Variants in GNB1L observed in about 807,000 individuals in gnomAD.
The protein encoded by GNB1L is G protein subunit beta 1 like.
Under a neutral mutation model 29.1 loss-of-function variants are expected in GNB1L, and 20 were observed. That is an observed-to-expected ratio of 0.69 (90% CI 0.48 to 1.00). The LOEUF (loss-of-function observed/expected upper bound fraction) is 1.00. GNB1L is among the 50% of genes least tolerant of loss of function. The pLI is 0.00. For synonymous variants in GNB1L, 193 were observed against 206.5 expected (o/e 0.93, Z 0.56); for missense variants, 421 against 464.9 (o/e 0.91, Z 0.87).
At chr22:19,807,148 A>T (rs1038074912) in intron 5 of GNB1L, among the ~76,000 whole-genome samples, 1 of 152,154 alleles carries the variant, frequency 6.6e-6, no homozygotes, top group African/African-American at 2.4e-5. Flanking sequence ...TTTGCCACCC[A>T]CTTGAGAAAT....
At chr22:19,806,161 A>G (rs1184161827) in intron 6 of GNB1L, among the ~76,000 whole-genome samples, 1 of 152,258 alleles carries the variant, frequency 6.6e-6, no homozygotes, top group East Asian at 1.9e-4. Context: ...TTCATGGATC[A>G]GAAATTCCAA....
intron 7 of GNB1L, among the ~76,000 whole-genome samples, chr22:19,794,957 G>A (rs1489436994): frequency 6.6e-6 from 1 of 152,172 alleles, no homozygotes; most frequent in African/African-American, 2.4e-5. Flanking sequence ...CTCCAGCCTG[G>A]TGACAGAGTG....
chr22:19,818,976 C>T (rs986396334), intron 4 of GNB1L, among the ~76,000 whole-genome samples: 4 of 152,200 alleles, frequency 2.6e-5, no homozygotes, highest in African/African-American at 4.8e-5. Flanking sequence ...AAGCCCCTCA[C>T]GCACCTGCCC....
chr22:19,789,540 C>T (rs1053348797), intron 7 of GNB1L, among the ~76,000 whole-genome samples: 4 of 151,770 alleles, frequency 2.6e-5, no homozygotes, highest in East Asian at 1.9e-4. Context: ...GCCCTGGAGG[C>T]GGCAGGAGCC....
intron 2 of GNB1L, among the ~76,000 whole-genome samples, chr22:19,841,552 G>A (rs1023253186): frequency 3.9e-5 from 6 of 152,134 alleles, no homozygotes; most frequent in African/African-American, 1.4e-4. Flanking sequence ...CAGGAGGAGA[G>A]GATCACTTGA....
chr22:19,848,445 C>G, intron 2 of GNB1L: 2 of 985,484 alleles, frequency 2.0e-6, no homozygotes, highest in Non-Finnish European at 2.4e-6. Flanking sequence ...TGTCTGAAAG[C>G]AGGTGCTGCA....
Position 19,788,640 on chromosome 22 carries a change from G to A in GNB1L, c.*69C>T, listed in dbSNP as rs1185892463. 3 of 1,599,944 alleles carry A rather than the reference G, an allele frequency of 1.9e-6. No homozygotes were observed. The highest frequency in any genetic ancestry group is 2.2e-5 in the East Asian group (1 of 44,808). ...TCCTCAGAGGCCCTTGAGGTTTCAG[G>A]CCAAGGCTGGGGCCTGATGCCCACC... is the stretch of plus-strand genomic sequence containing the variant. On this transcript the variant is annotated 3_prime_UTR_variant, in exon 8 of 8. Coordinates refer to ENST00000329517, the MANE Select transcript of GNB1L (RefSeq NM_053004.3).
intron 2 of GNB1L, among the ~76,000 whole-genome samples, chr22:19,825,822 G>T (rs971018019): frequency 1.3e-5 from 2 of 151,852 alleles, no homozygotes; most frequent in Admixed American, 6.6e-5. Flanking sequence ...GCTGGGCATG[G>T]TGGTGGGTGC....
intron 2 of GNB1L, among the ~76,000 whole-genome samples, chr22:19,829,961 G>A (rs1020660309): frequency 2.6e-5 from 4 of 152,040 alleles, no homozygotes; most frequent in African/African-American, 4.8e-5. Context: ...ACTACCATTC[G>A]ACATTGTAGT....
chr22:19,848,539 C>T (rs953736168), intron 2 of GNB1L: 29 of 985,424 alleles, frequency 2.9e-5, no homozygotes, highest in Non-Finnish European at 3.4e-5. Flanking sequence ...GTTGCCTCCA[C>T]CCTACCTGTG....
intron 7 of GNB1L, among the ~76,000 whole-genome samples, chr22:19,797,793 G>T (rs1203716840): frequency 3.9e-5 from 6 of 152,160 alleles, no homozygotes; most frequent in Non-Finnish European, 8.8e-5. Context: ...CCTCTCCAGG[G>T]CCCGGGGCCC....
intron 7 of GNB1L, among the ~76,000 whole-genome samples, chr22:19,793,861 G>A (rs770317341): frequency 7.9e-5 from 12 of 152,152 alleles, no homozygotes; most frequent in Non-Finnish European, 1.5e-4. Context: ...AGAATTTTTT[G>A]CCAGCAGAAT....
intron 5 of GNB1L, among the ~76,000 whole-genome samples, chr22:19,808,861 G>T (rs952368176): frequency 1.3e-5 from 2 of 152,186 alleles, no homozygotes; most frequent in Non-Finnish European, 2.9e-5. Context: ...CTGTCATTGG[G>T]TGTTGCCACC....
At chr22:19,799,009 G>T (rs1937338364) in intron 7 of GNB1L, among the ~76,000 whole-genome samples, 1 of 151,798 alleles carries the variant, frequency 6.6e-6, no homozygotes, top group South Asian at 2.1e-4. Context: ...CTCCCTCCTG[G>T]CTGCCCAGCA....
intron 4 of GNB1L, among the ~76,000 whole-genome samples, chr22:19,813,035 G>A (rs1001318128): frequency 6.6e-6 from 1 of 152,174 alleles, no homozygotes; most frequent in Non-Finnish European, 1.5e-5. Context: ...TCATGGGCCC[G>A]GGGTCTCACC....
At chr22:19,815,523 T>C (rs1188970473) in intron 4 of GNB1L, among the ~76,000 whole-genome samples, 1 of 152,202 alleles carries the variant, frequency 6.6e-6, no homozygotes, top group Non-Finnish European at 1.5e-5. Flanking sequence ...CACGCTCATA[T>C]GGAGGGCACC....
chr22:19,783,286 C>T lies in GNB1L; in HGVS notation c.*5423G>A, dbSNP rs565625229. 12 of 466,620 alleles carry T rather than the reference C, an allele frequency of 2.6e-5. No individual in the cohort carries two copies. The highest frequency in any genetic ancestry group is 6.2e-5 in the South Asian group (3 of 48,772). The allele number at this position is 466,620 out of a possible 1,614,324, so 28.9% of individuals were successfully genotyped here. A position where few individuals can be genotyped will look rare whatever the true frequency, so the allele number is the denominator to read the frequency against. ...GGCACCAGGATGAGGCCAAATGACTCGATTTCTCTACACCCCACATTTTAC... is the reference window on the plus strand; with the variant it reads ...GGCACCAGGATGAGGCCAAATGACTTGATTTCTCTACACCCCACATTTTAC... On this transcript the variant is annotated 3_prime_UTR_variant, in exon 8 of 8. Coordinates refer to ENST00000329517, the MANE Select transcript of GNB1L (RefSeq NM_053004.3).
intron 7 of GNB1L, among the ~76,000 whole-genome samples, chr22:19,800,671 C>T (rs908569645): frequency 3.9e-5 from 6 of 152,220 alleles, no homozygotes; most frequent in African/African-American, 1.4e-4. Flanking sequence ...CTGCCGCTTA[C>T]ATCAGGGCCT....
chr22:19,828,638 C>A (rs1190625597), intron 2 of GNB1L, among the ~76,000 whole-genome samples: 1 of 149,996 alleles, frequency 6.7e-6, no homozygotes, highest in Non-Finnish European at 1.5e-5. Flanking sequence ...AGAGTGAGAC[C>A]CTATCTAAAA....
Sources: allele counts gnomAD v4.1 joint callset (sites outside exome capture counted in the v4.1 genomes callset), GRCh38; gene constraint gnomAD v4.1.1; transcripts MANE v1.5; gene names NCBI Gene and HGNC (gene_info 2026-07-23, HGNC 2026-07-21).